Variants in SAMMSON observed in about 807,000 individuals in gnomAD.
SAMMSON encodes long intergenic non-protein coding RNA 1212.
chr3:70,379,233 C>G (rs1703045171), intron 9 of SAMMSON, among the ~76,000 whole-genome samples: 1 of 152,040 alleles, frequency 6.6e-6, no homozygotes, highest in South Asian at 2.1e-4. Flanking sequence ...AGGCTGGTCT[C>G]AAGCGCCTGA....
At chr3:70,118,692 T>G (rs952400114) in intron 4 of SAMMSON, among the ~76,000 whole-genome samples, 14 of 152,194 alleles carry the variant, frequency 9.2e-5, no homozygotes, top group Non-Finnish European at 1.5e-4. Context: ...CAACATCTAC[T>G]TGCTTCCTTT....
intron 4 of SAMMSON, among the ~76,000 whole-genome samples, chr3:70,115,251 C>T (rs543363184): frequency 6.7e-6 from 1 of 148,974 alleles, no homozygotes; most frequent in South Asian, 2.2e-4. Context: ...AAGCAGAAGA[C>T]TAGAGAGGTT....
intron 6 of SAMMSON, among the ~76,000 whole-genome samples, chr3:70,290,925 C>T (rs189654558): frequency 4.6e-5 from 7 of 152,264 alleles, no homozygotes; most frequent in Admixed American, 2.0e-4. Flanking sequence ...GGATGGCGCA[C>T]GGTGCGCGCA....
chr3:70,267,107 G>A (rs75531531), intron 6 of SAMMSON, among the ~76,000 whole-genome samples: 15,240 of 152,152 alleles, frequency 0.1, 909 homozygotes, highest in South Asian at 0.2. Context: ...AGCTGGGGAG[G>A]GGGTGGGAAG....
intron 2 of SAMMSON, among the ~76,000 whole-genome samples, chr3:70,395,331 C>CTT (rs71126501): frequency 0.056 from 6,374 of 113,502 alleles, 275 homozygotes; most frequent in Middle Eastern, 0.077. Context: ...CTCTCTCTCT[C>CTT]TTTTTTTTTT....
At chr3:70,353,228 GTAAAATAATAAAACTTTTCTC>G (rs1702806317) in intron 7 of SAMMSON, among the ~76,000 whole-genome samples, 1 of 151,876 alleles carries the variant, frequency 6.6e-6, no homozygotes, top group African/African-American at 2.4e-5. Flanking sequence ...ACTGTTCTCT[GTAAAATAATAAAACTTTTCTC>G]TATAAAAGAA....
intron 7 of SAMMSON, among the ~76,000 whole-genome samples, chr3:70,324,281 C>T (rs115133622): frequency 1.1e-4 from 17 of 152,108 alleles, no homozygotes; most frequent in Non-Finnish European, 2.1e-4. Context: ...TGCCCATTCA[C>T]ATTGCAGTTC....
At chr3:70,004,364 A>G (rs901015507) in intron 1 of SAMMSON, among the ~76,000 whole-genome samples, 2 of 152,176 alleles carry the variant, frequency 1.3e-5, no homozygotes, top group Admixed American at 6.5e-5. Flanking sequence ...GATAAAGCCT[A>G]TTAGTTCAGA....
At chr3:70,064,393 G>A (rs573998002) in intron 3 of SAMMSON, among the ~76,000 whole-genome samples, 1 of 152,194 alleles carries the variant, frequency 6.6e-6, no homozygotes, top group East Asian at 1.9e-4. Flanking sequence ...CAGTGTTCAA[G>A]GGATCCTTCT....
At chr3:70,392,484 C>T (rs1407458390), downstream of SAMMSON, among the ~76,000 whole-genome samples, 1 of 152,088 alleles carries the variant, frequency 6.6e-6, no homozygotes, top group Admixed American at 6.6e-5. Context: ...ACTTTGCAGC[C>T]TCGTAGTTGA....
In SAMMSON at chr3:70,125,384, C is replaced by G. The variant is rs955949712; in HGVS notation, n.507+53819C>G. 7 of 1,431,874 alleles carry G rather than the reference C, an allele frequency of 4.9e-6. No individual in the cohort carries two copies. In the African/African-American group the frequency reaches 9.9e-5, roughly 20 times the overall value. 88.7% of individuals were successfully genotyped at this position (1,431,874 alleles called of 1,614,324 possible). A position where few individuals can be genotyped will look rare whatever the true frequency, so the allele number is the denominator to read the frequency against. ...ACAGTTTGGTTCACCAGGTTCATAA[C>G]TTCTGAAAACTGAAAGTGTTTCCAT... On this transcript the variant is annotated intron_variant and non_coding_transcript_variant, in intron 4 of 9. Transcript: ENST00000642114.
chr3:70,361,442 T>C (rs1019350557), intron 9 of SAMMSON, among the ~76,000 whole-genome samples: 2 of 152,220 alleles, frequency 1.3e-5, no homozygotes, highest in Non-Finnish European at 2.9e-5. Flanking sequence ...TGGGCCGTCA[T>C]CTTTGTTCAT....
At chr3:70,427,608 C>G (rs539525087) in intron 2 of SAMMSON, among the ~76,000 whole-genome samples, 1 of 151,934 alleles carries the variant, frequency 6.6e-6, no homozygotes, top group Non-Finnish European at 1.5e-5. Context: ...CATGGTGGCG[C>G]GCGCCTGTAG....
chr3:70,078,129 G>C lies in SAMMSON; in HGVS notation n.507+6564G>C, dbSNP rs143579089. ...TAGAAGATGGGGGTGGGGAGGAGTG[G>C]TGTTCCCTTTATTAGAAGGAACTTC... On this transcript the variant is annotated intron_variant and non_coding_transcript_variant, in intron 4 of 9. Coordinates refer to ENST00000642114, the Ensembl canonical transcript of SAMMSON. 2.5e-3 allele frequency among the ~76,000 whole-genome samples: 383 copies of C among 152,218 alleles called. 2 individuals are homozygous for C. The highest frequency in any genetic ancestry group is 8.9e-3 in the African/African-American group (370 of 41,548).
chr3:70,279,668 C>T (rs1219224002), intron 6 of SAMMSON, among the ~76,000 whole-genome samples: 1 of 152,174 alleles, frequency 6.6e-6, no homozygotes, highest in Admixed American at 6.6e-5. Flanking sequence ...AGCAGCTCCT[C>T]CATTTCTGCA....
At chr3:70,266,017 A>C (rs1344587710) in intron 6 of SAMMSON, among the ~76,000 whole-genome samples, 5 of 152,190 alleles carry the variant, frequency 3.3e-5, no homozygotes, top group African/African-American at 1.2e-4. Flanking sequence ...CACAAAGCCT[A>C]ATCATATCAC....
At chr3:70,321,390 T>C (rs560289518) in intron 7 of SAMMSON, among the ~76,000 whole-genome samples, 2 of 152,232 alleles carry the variant, frequency 1.3e-5, no homozygotes, top group Admixed American at 1.3e-4. Flanking sequence ...AGCACAATGA[T>C]CTGGAGATTC....
intron 7 of SAMMSON, among the ~76,000 whole-genome samples, chr3:70,323,208 T>C (rs1053525351): frequency 6.6e-6 from 1 of 152,150 alleles, no homozygotes; most frequent in Non-Finnish European, 1.5e-5. Flanking sequence ...CTCTCATTAA[T>C]CTTGTTTGAA....
chr3:70,081,573 T>C (rs1446423698), intron 4 of SAMMSON, among the ~76,000 whole-genome samples: 1 of 152,198 alleles, frequency 6.6e-6, no homozygotes, highest in Non-Finnish European at 1.5e-5. Context: ...TGAATATACG[T>C]TGCAGTGACT....
Sources: gnomAD v4.1 joint callset for allele counts (sites outside exome capture counted in the v4.1 genomes callset) on GRCh38, gnomAD v4.1.1 for gene constraint, MANE v1.5 for transcripts, NCBI Gene and HGNC (gene_info 2026-07-23, HGNC 2026-07-21) for gene names.